Variants in COL4A5 observed in about 807,000 individuals in gnomAD.
COL4A5 encodes collagen alpha-5(IV) chain.
Under a neutral mutation model 130.2 loss-of-function variants are expected in COL4A5, and 26 were observed. The observed-to-expected ratio is 0.20, with a 90% CI of 0.15 to 0.28. The LOEUF (loss-of-function observed/expected upper bound fraction) is 0.28, where lower values mean the gene tolerates loss of function less well. Ranked by LOEUF, COL4A5 falls within the 10% of genes least tolerant of loss-of-function variation. The probability of loss-of-function intolerance (pLI) is 1.00; values close to 1 mark genes in which losing one functional copy is unlikely to be tolerated. For missense variants in COL4A5, 1,131 were observed against 1,344.3 expected, an observed-to-expected ratio of 0.84 and a Z score of 2.48; for synonymous variants, 496 against 439.6, an observed-to-expected ratio of 1.13 and a Z score of -1.60.
chrX:108,684,785 G>A (rs766091211), intron 47 of COL4A5, among the ~76,000 whole-genome samples: 1 of 112,120 alleles, frequency 8.9e-6, no homozygotes, highest in Non-Finnish European at 1.9e-5. Context: ...CCAAAACCTG[G>A]CAGAGACACA....
intron 22 of COL4A5, 32 bp from the exon 23 acceptor site, chrX:108,596,965 GT>G: frequency 8.8e-7 from 1 of 1,137,760 alleles, no homozygotes; most frequent in Non-Finnish European, 1.2e-6. Flanking sequence ...GTTATTGTGT[GT>G]GTGTGTGTTT....
intron 1 of COL4A5, among the ~76,000 whole-genome samples, chrX:108,517,268 A>G (rs2065229182): frequency 8.9e-6 from 1 of 111,775 alleles, no homozygotes; most frequent in Admixed American, 9.5e-5. Flanking sequence ...TGACTGCAGA[A>G]GAAATTTAAT....
At chrX:108,555,025 T>C (rs1188808655) in intron 2 of COL4A5, among the ~76,000 whole-genome samples, 1 of 112,787 alleles carries the variant, frequency 8.9e-6, no homozygotes, top group Non-Finnish European at 1.9e-5. Context: ...AAAAGAAATG[T>C]GTCCAAGTGC....
chrX:108,661,084 C>T (rs1041440662), intron 37 of COL4A5, among the ~76,000 whole-genome samples: 7 of 112,169 alleles, frequency 6.2e-5, no homozygotes, highest in South Asian at 7.3e-4. Flanking sequence ...CTCTGCTATA[C>T]GGCCTAAATG....
At chrX:108,664,169 A>G (rs2068025615) in intron 37 of COL4A5, among the ~76,000 whole-genome samples, 1 of 111,961 alleles carries the variant, frequency 8.9e-6, no homozygotes, top group African/African-American at 3.3e-5. Flanking sequence ...TGGGCAACAG[A>G]GTGAGACTCC....
intron 36 of COL4A5, among the ~76,000 whole-genome samples, chrX:108,637,876 G>T (rs1227620939): frequency 1.8e-5 from 2 of 108,313 alleles, no homozygotes; most frequent in Non-Finnish European, 3.8e-5. Context: ...TTTGAGACAG[G>T]GTCTCGCTAT....
intron 36 of COL4A5, 54 bp downstream of exon 36, chrX:108,626,403 T>G: frequency 8.4e-7 from 1 of 1,192,634 alleles, no homozygotes; most frequent in Non-Finnish European, 1.1e-6. Context: ...TGAAATTTTT[T>G]AATACTATGC....
chrX:108,651,531 G>A (rs1569503636), intron 36 of COL4A5, among the ~76,000 whole-genome samples: 1 of 111,615 alleles, frequency 9.0e-6, no homozygotes. Context: ...CACATTTTAA[G>A]TAATTGTATG....
At chrX:108,644,927 A>C (rs763486788) in intron 36 of COL4A5, among the ~76,000 whole-genome samples, 9,044 of 107,275 alleles carry the variant, frequency 0.084, 991 homozygotes, top group African/African-American at 0.28. Flanking sequence ...AACAAAAAAA[A>C]AAAAAAAAAA....
At chrX:108,500,627 A>G (rs1435228124) in intron 1 of COL4A5, among the ~76,000 whole-genome samples, 2 of 112,017 alleles carry the variant, frequency 1.8e-5, no homozygotes, top group Non-Finnish European at 3.8e-5. Context: ...TTTCAGGACA[A>G]TTAAGAAATA....
At chrX:108,473,633 A>ATATATATATATATATATATATATTTT in intron 1 of COL4A5, among the ~76,000 whole-genome samples, 1 of 34,562 alleles carries the variant, frequency 2.9e-5, no homozygotes, top group African/African-American at 1.1e-4. Flanking sequence ...ATATATATAT[A>ATATATATATATATATATATATATTTT]TTTTTTTTTT....
chrX:108,444,280 G>A (rs1307898802), intron 1 of COL4A5, among the ~76,000 whole-genome samples: 1 of 106,537 alleles, frequency 9.4e-6, no homozygotes. Context: ...GCAGTGGCGC[G>A]ATGATCTCGG....
chrX:108,515,210 AC>A (rs769500131), intron 1 of COL4A5, among the ~76,000 whole-genome samples: 5 of 111,976 alleles, frequency 4.5e-5, no homozygotes, highest in Non-Finnish European at 3.8e-5. Flanking sequence ...TCAATCAGAA[AC>A]TATGACTTTT....
At chrX:108,682,573 A>T (rs189762516) in intron 47 of COL4A5, among the ~76,000 whole-genome samples, 45 of 111,988 alleles carry the variant, frequency 4.0e-4, no homozygotes, top group Non-Finnish European at 7.7e-4. Flanking sequence ...TGACTTTTTA[A>T]TGATCACCAT....
In COL4A5 at chrX:108,624,301, C is replaced by A. The variant is rs767268861; in HGVS notation, c.2983C>A (p.Leu995Met). The stretch of plus-strand genomic sequence containing the variant: ...GCCTGGAGACCCAGGGCAACCTGGA[C>A]TGAGTGGACAACCTGGATTACCAGG... ...GLPGDPGQPG[L>M]SGQPGLPGPP... Residue 995 changes from leucine to methionine, a missense_variant, in exon 34 of 53, where the codon CTG (leucine) becomes ATG (methionine). By Grantham distance (15) the Leu-to-Met change is conservative. Transcript: ENST00000328300. 2 of 1,209,986 alleles carry A rather than the reference C, an allele frequency of 1.7e-6. No individual in the cohort carries two copies. The highest frequency in any genetic ancestry group is 1.8e-5 in the South Asian group (1 of 56,444).
At position 108,630,683 on chromosome X, in the gene COL4A5, G is replaced by A. The variant is rs192761077; in HGVS notation, c.3246+4334G>A. On this transcript the variant is annotated intron_variant, in intron 36 of 52. Transcript: ENST00000328300. ...AATTAGATCCCATTTGTCTATTTTG[G>A]CTTTTGTTGCCATTGCTTTTGGTGT... is the stretch of plus-strand genomic sequence containing the variant. Among the ~76,000 whole-genome samples the A allele has an allele frequency of 3.4e-3, 381 of 111,669 alleles. 2 individuals are homozygous for A. Among genetic ancestry groups the A allele is most frequent in the African/African-American group, 0.012 (360 of 30,724 alleles).
intron 1 of COL4A5, among the ~76,000 whole-genome samples, chrX:108,507,454 C>T (rs1397443328): frequency 1.8e-5 from 2 of 111,346 alleles, no homozygotes; most frequent in Non-Finnish European, 3.8e-5. Context: ...CATGTAAACA[C>T]AACTAAAGAC....
intron 1 of COL4A5, among the ~76,000 whole-genome samples, chrX:108,442,100 A>G (rs1484073475): frequency 8.9e-6 from 1 of 111,742 alleles, no homozygotes; most frequent in East Asian, 2.8e-4. Context: ...TTCCTGGTTC[A>G]TACATAAATA....
intron 1 of COL4A5, among the ~76,000 whole-genome samples, chrX:108,513,276 C>A (rs768825800): frequency 5.1e-4 from 56 of 109,877 alleles, no homozygotes; most frequent in Middle Eastern, 4.8e-3. Context: ...CCAGCCTGGG[C>A]GACAGAGCAA....
Sources: gnomAD v4.1 joint callset for allele counts (sites outside exome capture counted in the v4.1 genomes callset) on GRCh38, gnomAD v4.1.1 for gene constraint, MANE v1.5 for transcripts, NCBI Gene and HGNC (gene_info 2026-07-23, HGNC 2026-07-21) for gene names.